The following PVT1 variants were observed in gnomAD, a reference collection of about 807,000 sequenced individuals.
PVT1 encodes CXCR4/PVT1 fusion.
chr8:127,866,067 G>C (rs935677244), intron 2 of PVT1, among the ~76,000 whole-genome samples: 1 of 152,078 alleles, frequency 6.6e-6, no homozygotes, highest in Non-Finnish European at 1.5e-5. Context: ...CGGCTGCCTG[G>C]CCAGGATGGC....
At chr8:128,065,418 G>T (rs1490500023) in intron 4 of PVT1, among the ~76,000 whole-genome samples, 2 of 152,106 alleles carry the variant, frequency 1.3e-5, no homozygotes, top group South Asian at 4.1e-4. Flanking sequence ...ACTCCTGACT[G>T]CAAGTGATCC....
chr8:127,800,962 G>A (rs1563608793), intron 2 of PVT1, among the ~76,000 whole-genome samples: 1 of 152,190 alleles, frequency 6.6e-6, no homozygotes, highest in Non-Finnish European at 1.5e-5. Context: ...TCAGAGTCAG[G>A]GCAGGCTCCA....
intron 2 of PVT1, among the ~76,000 whole-genome samples, chr8:127,816,768 C>G (rs568744882): frequency 6.6e-6 from 1 of 152,294 alleles, no homozygotes; most frequent in Admixed American, 6.5e-5. Context: ...AGGTGATCCA[C>G]CCGCCTCGGC....
intron 4 of PVT1, among the ~76,000 whole-genome samples, chr8:128,034,941 T>C (rs1376644694): frequency 2.6e-5 from 4 of 152,304 alleles, no homozygotes; most frequent in Admixed American, 2.0e-4. Context: ...TTTGCCTGAT[T>C]TGTTGAAAAG....
intron 2 of PVT1, among the ~76,000 whole-genome samples, chr8:127,866,125 T>C (rs1157450852): frequency 1.3e-5 from 2 of 152,292 alleles, no homozygotes; most frequent in African/African-American, 4.8e-5. Flanking sequence ...GCTGTTTAAA[T>C]TGTTGGTCTG....
At chr8:127,940,399 C>T (rs560604891) in intron 3 of PVT1, 1 of 152,056 alleles carries the variant, frequency 6.6e-6, no homozygotes, top group South Asian at 2.1e-4. Context: ...GCCAGAGGTC[C>T]CACGAGCTGG....
At chr8:127,895,338 G>A (rs1815662198) in intron 3 of PVT1, among the ~76,000 whole-genome samples, 1 of 152,164 alleles carries the variant, frequency 6.6e-6, no homozygotes, top group Admixed American at 6.5e-5. Flanking sequence ...GGGTGTGGTG[G>A]CATGCGCCTG....
intron 6 of PVT1, among the ~76,000 whole-genome samples, chr8:128,098,133 C>T (rs1814452054): frequency 6.6e-6 from 1 of 152,184 alleles, no homozygotes; most frequent in African/African-American, 2.4e-5. Flanking sequence ...CCCCCCGCCC[C>T]ACCATGTCCT....
At chr8:128,006,169 G>C (rs1489577596) in intron 4 of PVT1, among the ~76,000 whole-genome samples, 1 of 149,406 alleles carries the variant, frequency 6.7e-6, no homozygotes, top group Non-Finnish European at 1.5e-5. Context: ...GGGAAATTTG[G>C]GCAGGACTTC....
chr8:127,980,178 G>C (rs1816867479), intron 3 of PVT1, among the ~76,000 whole-genome samples: 1 of 152,082 alleles, frequency 6.6e-6, no homozygotes, highest in East Asian at 1.9e-4. Flanking sequence ...CACTGTGCCT[G>C]GCCAAATATC....
At chr8:128,057,930 T>C (rs1813780886) in intron 4 of PVT1, among the ~76,000 whole-genome samples, 1 of 152,204 alleles carries the variant, frequency 6.6e-6, no homozygotes, top group Non-Finnish European at 1.5e-5. Flanking sequence ...TTACCATGGA[T>C]ACCAGAAGGT....
intron 5 of PVT1, among the ~76,000 whole-genome samples, chr8:128,080,317 G>A (rs1419107794): frequency 6.6e-6 from 1 of 152,198 alleles, no homozygotes; most frequent in African/African-American, 2.4e-5. Flanking sequence ...CTGCCAAATT[G>A]TCTTCCAAAG....
intron 3 of PVT1, among the ~76,000 whole-genome samples, chr8:127,925,780 T>C (rs1193361909): frequency 6.6e-6 from 1 of 152,158 alleles, no homozygotes; most frequent in Non-Finnish European, 1.5e-5. Context: ...TAGCTGGGAC[T>C]ATAGGCATAC....
chr8:128,035,025 A>G (rs1307124651), intron 4 of PVT1, among the ~76,000 whole-genome samples: 2 of 152,238 alleles, frequency 1.3e-5, no homozygotes, highest in Non-Finnish European at 2.9e-5. Flanking sequence ...CTGAAAAGCA[A>G]CTGTTCATAG....
At chr8:128,044,576 C>T (rs536637618) in intron 4 of PVT1, among the ~76,000 whole-genome samples, 1 of 152,184 alleles carries the variant, frequency 6.6e-6, no homozygotes, top group Non-Finnish European at 1.5e-5. Flanking sequence ...TGGTAACAAA[C>T]AAAACCTCAG....
chr8:127,947,227 G>C (rs951819282), intron 3 of PVT1: 1 of 159,314 alleles, frequency 6.3e-6, no homozygotes, highest in Non-Finnish European at 1.4e-5. Context: ...CCACACAGCT[G>C]GGTTAAATGG....
chr8:127,972,345 T>G (rs747589280), intron 3 of PVT1, among the ~76,000 whole-genome samples: 2 of 152,184 alleles, frequency 1.3e-5, no homozygotes, highest in Non-Finnish European at 2.9e-5. Context: ...CCCTTGCCAT[T>G]TATTTGCTGG....
At chr8:127,944,036 A>G (rs1260378629) in intron 3 of PVT1, among the ~76,000 whole-genome samples, 1 of 152,214 alleles carries the variant, frequency 6.6e-6, no homozygotes, top group Non-Finnish European at 1.5e-5. Flanking sequence ...GGTTATATTT[A>G]TGAATAGTAA....
chr8:127,851,563 A>G (rs1815107538), intron 2 of PVT1, among the ~76,000 whole-genome samples: 1 of 152,190 alleles, frequency 6.6e-6, no homozygotes, highest in Admixed American at 6.5e-5. Flanking sequence ...CTGCACGGAC[A>G]CAGCCATTCT....
Sources: gnomAD v4.1 joint callset for allele counts (sites outside exome capture counted in the v4.1 genomes callset) on GRCh38, gnomAD v4.1.1 for gene constraint, MANE v1.5 for transcripts, NCBI Gene and HGNC (gene_info 2026-07-23, HGNC 2026-07-21) for gene names.